Variants in MPDZ observed in about 807,000 individuals in gnomAD.
MPDZ encodes multiple PDZ domain protein.
A neutral mutation model predicts 239.1 loss-of-function variants in MPDZ; 234 were observed. That is an observed-to-expected ratio of 0.98 (90% CI 0.88 to 1.09). The LOEUF (loss-of-function observed/expected upper bound fraction) is 1.09, where lower values mean the gene tolerates loss of function less well. Among genes scored for constraint, MPDZ ranks in the 50% least tolerant of loss-of-function variants. The pLI, the probability that MPDZ is intolerant of heterozygous loss-of-function variation, is 0.00. For synonymous variants in MPDZ, 1,048 were observed against 881.3 expected, an observed-to-expected ratio of 1.19 and a Z score of -3.35; for missense variants, 3,175 against 2,510.0, an observed-to-expected ratio of 1.26 and a Z score of -5.66.
At position 13,186,290 on chromosome 9, in the gene MPDZ, A is replaced by C; in HGVS notation, c.2461T>G (p.Phe821Val). 6.3e-7 allele frequency: 1 copy of C among 1,590,906 alleles called. No individual in the cohort carries two copies. Among genetic ancestry groups the C allele is most frequent in the Non-Finnish European group, 8.6e-7 (1 of 1,167,798 alleles). ...CTAACCAGAGCCAAGTCAGCCCTGA[A>C]GAGGGGTTTGTCAGCCAGCCCTGCT... ...EEAGLADKPL[F>V]RADLALVGTN... The change falls in exon 18 of 47, where the codon TTC becomes GTC. Residue 821 changes from phenylalanine to valine, a missense_variant. By Grantham distance (50) the Phe-to-Val change is conservative. Transcript: ENST00000319217.
chr9:13,158,049 T>A lies in MPDZ; in HGVS notation c.3421A>T (p.Thr1141Ser), dbSNP rs1284083775. 3 of 1,612,866 alleles carry A rather than the reference T, an allele frequency of 1.9e-6. No individual in the cohort carries two copies. The highest frequency in any genetic ancestry group is 1.7e-5 in the Admixed American group (1 of 59,926). ...GGCTGATTCCAATTGCTATATGCTG[T>A]GTTTTGAAGTTCGCTTTCTTCACCC... Reference protein sequence around the residue: ...GEGEESELQNTAYSNWNQPRR... With the variant: ...GEGEESELQNSAYSNWNQPRR... Residue 1141 changes from threonine to serine, a missense_variant, in exon 24 of 47, where the codon ACA becomes TCA. Coordinates refer to ENST00000319217, the MANE Select transcript of MPDZ (RefSeq NM_001378778.1).
rs545863519 is a variant in MPDZ, at chr9:13,202,327, G to A, written c.1546+2709C>T. On this transcript the variant is annotated intron_variant, in intron 12 of 46. Coordinates refer to ENST00000319217, the MANE Select transcript of MPDZ (RefSeq NM_001378778.1). ...TCCTGCTATGGGTCTCCAGCCTGGG[G>A]AAGATTTAAGCTGGCACCAAAACTT... Among the ~76,000 whole-genome samples, 3 of 152,238 alleles carry A rather than the reference G, an allele frequency of 2.0e-5. No homozygotes were observed. In the South Asian group the frequency reaches 6.2e-4, roughly 32 times the overall value.
chr9:13,152,409 C>T (rs1949295096), intron 24 of MPDZ, among the ~76,000 whole-genome samples: 1 of 152,044 alleles, frequency 6.6e-6, no homozygotes, highest in African/African-American at 2.4e-5. Flanking sequence ...GCAGGTCTTT[C>T]CTGTGCTTTT....
At chr9:13,157,187 T>C (rs1214636281) in intron 24 of MPDZ, among the ~76,000 whole-genome samples, 1 of 152,192 alleles carries the variant, frequency 6.6e-6, no homozygotes, top group Non-Finnish European at 1.5e-5. Context: ...CAAATATTAA[T>C]GTTTACTGAA....
At chr9:13,213,466 TAACA>T (rs1273883577) in intron 10 of MPDZ, among the ~76,000 whole-genome samples, 3 of 151,870 alleles carry the variant, frequency 2.0e-5, no homozygotes, top group Non-Finnish European at 2.9e-5. Context: ...ATCGAACAAA[TAACA>T]GACAAAGACT....
intron 3 of MPDZ, among the ~76,000 whole-genome samples, chr9:13,239,264 G>A (rs1258437048): frequency 1.3e-5 from 2 of 152,082 alleles, no homozygotes; most frequent in Admixed American, 1.3e-4. Flanking sequence ...TCACTATGCT[G>A]TGTAAGAAGA....
chr9:13,121,269 T>C (rs2131589851), intron 38 of MPDZ, among the ~76,000 whole-genome samples: 1 of 152,252 alleles, frequency 6.6e-6, no homozygotes, highest in African/African-American at 2.4e-5. Context: ...TCAGACACCT[T>C]TTTTCTTGGA....
intron 39 of MPDZ, among the ~76,000 whole-genome samples, chr9:13,115,681 A>C (rs2131331558): frequency 6.6e-6 from 1 of 151,028 alleles, no homozygotes; most frequent in East Asian, 2.0e-4. Flanking sequence ...TAAAAAACAA[A>C]GCGACTGTAA....
chr9:13,215,386 G>A (rs1228817553), intron 10 of MPDZ, among the ~76,000 whole-genome samples: 1 of 150,686 alleles, frequency 6.6e-6, no homozygotes, highest in Non-Finnish European at 1.5e-5. Context: ...ATAGCAATAT[G>A]TGTCTATATA....
intron 23 of MPDZ, among the ~76,000 whole-genome samples, chr9:13,161,805 C>A (rs1950524931): frequency 6.6e-6 from 1 of 152,136 alleles, no homozygotes; most frequent in Non-Finnish European, 1.5e-5. Context: ...AAACCCAGTT[C>A]CTGCCTTTCC....
intron 1 of MPDZ, among the ~76,000 whole-genome samples, chr9:13,257,604 T>C (rs565580428): frequency 2.4e-4 from 36 of 152,324 alleles, no homozygotes; most frequent in African/African-American, 8.7e-4. Flanking sequence ...GATTGGTGTA[T>C]GTTTATAGAA....
intron 1 of MPDZ, among the ~76,000 whole-genome samples, chr9:13,272,549 C>T (rs769670668): frequency 4.0e-5 from 6 of 151,806 alleles, no homozygotes; most frequent in Non-Finnish European, 7.4e-5. Flanking sequence ...ATCGATGAGG[C>T]CCCTGTAATC....
At chr9:13,278,787 G>A (rs995498406) in intron 1 of MPDZ, among the ~76,000 whole-genome samples, 1 of 152,022 alleles carries the variant, frequency 6.6e-6, no homozygotes, top group South Asian at 2.1e-4. Context: ...GGGTCCCCGC[G>A]GCTAAGGCGA....
At position 13,140,028 on chromosome 9, in the gene MPDZ, G is replaced by A. The variant is rs752383203; in HGVS notation, c.3962C>T (p.Ser1321Leu). ...DHTQSSASKI[S>L]QDVDKEDEFG... ...CTCATCCTCTTTGTCCACATCTTGT[G>A]AGATTTTGCTTGCAGATGACTGTGT... is the stretch of plus-strand genomic sequence containing the variant. Residue 1321 changes from serine (S) to leucine (L), a missense_variant, in exon 28 of 47, where the codon TCA becomes TTA. Transcript: ENST00000319217. The A allele has an allele frequency of 5.0e-6, 8 of 1,613,200 alleles. No individual in the cohort carries two copies. The Admixed American group carries it at 8.3e-5, about 17-fold the overall frequency.
chr9:13,205,805 A>G, intron 11 of MPDZ, 111 bp downstream of exon 11: 2 of 999,502 alleles, frequency 2.0e-6, no homozygotes, highest in Non-Finnish European at 2.8e-6. Context: ...GAGGGTAAAA[A>G]GCATTCTGAA....
intron 27 of MPDZ, chr9:13,141,003 G>C (rs995799715): frequency 6.7e-6 from 1 of 149,904 alleles, no homozygotes; most frequent in Non-Finnish European, 1.5e-5. Flanking sequence ...TGCCAAGGCA[G>C]ATCACAAGAT....
chr9:13,247,014 G>A (rs1039121232), intron 3 of MPDZ, among the ~76,000 whole-genome samples: 1 of 152,078 alleles, frequency 6.6e-6, no homozygotes, highest in Non-Finnish European at 1.5e-5. Flanking sequence ...ATAAATGCTA[G>A]GACTTTTTAA....
intron 7 of MPDZ, 72 bp downstream of exon 7, chr9:13,221,299 CA>C (rs780453301): frequency 2.6e-4 from 372 of 1,419,898 alleles, no homozygotes; most frequent in Non-Finnish European, 3.3e-4. Flanking sequence ...TTCTTCTTTC[CA>C]ACAAAAAAAT....
intron 1 of MPDZ, among the ~76,000 whole-genome samples, chr9:13,268,489 G>A (rs1410725576): frequency 6.6e-6 from 1 of 152,028 alleles, no homozygotes; most frequent in Non-Finnish European, 1.5e-5. Context: ...GACAAAAGAA[G>A]AATGAGGATA....
Sources: gnomAD v4.1 joint callset for allele counts (sites outside exome capture counted in the v4.1 genomes callset) on GRCh38, gnomAD v4.1.1 for gene constraint, MANE v1.5 for transcripts, NCBI Gene and HGNC (gene_info 2026-07-23, HGNC 2026-07-21) for gene names.